Variants in ROCK1 observed in about 807,000 individuals in gnomAD.
ROCK1 encodes rho-associated protein kinase 1.
In ROCK1, 36 loss-of-function variants were observed where a neutral mutation model predicts 196.8. The observed-to-expected ratio is 0.18, with a 90% CI of 0.14 to 0.24. The LOEUF (loss-of-function observed/expected upper bound fraction) is 0.24. ROCK1 is among the 10% of genes least tolerant of loss of function. The pLI is 1.00. For missense variants in ROCK1, 920 were observed against 1,562.0 expected (o/e 0.59, Z 6.93); for synonymous variants, 443 against 515.9 (o/e 0.86, Z 1.91).
At chr18:20,990,551 G>A (rs781505682) in intron 18 of ROCK1, among the ~76,000 whole-genome samples, 38 of 151,126 alleles carry the variant, frequency 2.5e-4, no homozygotes, top group Middle Eastern at 6.8e-3. Flanking sequence ...AAAATTAGCC[G>A]GGCATGGTGT....
chr18:21,097,465 G>A (rs1357701628), intron 1 of ROCK1, among the ~76,000 whole-genome samples: 1 of 152,114 alleles, frequency 6.6e-6, no homozygotes, highest in African/African-American at 2.4e-5. Flanking sequence ...TGTAACCATG[G>A]CACCACCTAT....
chr18:20,981,265 G>A (rs1404573063), intron 21 of ROCK1, among the ~76,000 whole-genome samples: 1 of 151,970 alleles, frequency 6.6e-6, no homozygotes, highest in African/African-American at 2.4e-5. Flanking sequence ...ATGGTGGCGG[G>A]CGCCTGTAGT....
At chr18:21,019,178 G>A (rs531421049) in intron 12 of ROCK1, among the ~76,000 whole-genome samples, 5 of 152,078 alleles carry the variant, frequency 3.3e-5, no homozygotes, top group Non-Finnish European at 7.4e-5. Flanking sequence ...TTTTGAGACA[G>A]AGTCTTGCTC....
intron 14 of ROCK1, among the ~76,000 whole-genome samples, chr18:21,007,643 T>TA (rs2035779503): frequency 6.6e-6 from 1 of 152,154 alleles, no homozygotes; most frequent in Admixed American, 6.5e-5. Context: ...ACACAAGCAT[T>TA]AAAACACAAG....
intron 9 of ROCK1, among the ~76,000 whole-genome samples, chr18:21,035,724 A>C (rs1261621737): frequency 6.6e-6 from 1 of 152,256 alleles, no homozygotes; most frequent in Non-Finnish European, 1.5e-5. Flanking sequence ...ATGGATAAAC[A>C]AAATATAGTA....
chr18:20,963,223 A>G (rs1428478638), intron 27 of ROCK1, among the ~76,000 whole-genome samples: 1 of 152,108 alleles, frequency 6.6e-6, no homozygotes, highest in African/African-American at 2.4e-5. Context: ...TATTACTGCA[A>G]TATCAGCGAT....
chr18:21,075,495 T>G (rs943642876), intron 1 of ROCK1, among the ~76,000 whole-genome samples: 5 of 152,162 alleles, frequency 3.3e-5, no homozygotes, highest in Admixed American at 2.0e-4. Context: ...GGCAGCTGAA[T>G]ATAAGTTTGG....
intron 9 of ROCK1, among the ~76,000 whole-genome samples, chr18:21,035,275 G>A (rs1168403592): frequency 6.6e-6 from 1 of 152,236 alleles, no homozygotes; most frequent in East Asian, 1.9e-4. Flanking sequence ...GAGCGTGGTG[G>A]CTCACGTCTG....
intron 1 of ROCK1, among the ~76,000 whole-genome samples, chr18:21,083,485 GGTGCTC>G (rs1225250999): frequency 6.6e-6 from 1 of 152,104 alleles, no homozygotes; most frequent in African/African-American, 2.4e-5. Flanking sequence ...ACATACAGCT[GGTGCTC>G]AAACAACATA....
chr18:20,955,140 T>C, intron 30 of ROCK1, 27 bp downstream of exon 30: 3 of 1,528,932 alleles, frequency 2.0e-6, no homozygotes, highest in Non-Finnish European at 1.8e-6. Context: ...ACTTAGATTC[T>C]TTAAAATTAT....
intron 16 of ROCK1, among the ~76,000 whole-genome samples, chr18:20,993,672 C>T (rs2035646016): frequency 6.6e-6 from 1 of 152,148 alleles, no homozygotes; most frequent in African/African-American, 2.4e-5. Flanking sequence ...AATTCAAGTA[C>T]TCTAACAAAG....
chr18:21,060,180 G>A (rs1027396603), intron 2 of ROCK1, among the ~76,000 whole-genome samples: 13 of 152,138 alleles, frequency 8.5e-5, no homozygotes, highest in East Asian at 3.8e-4. Flanking sequence ...TACTTCAAAC[G>A]GGTGAATTTT....
At chr18:20,953,939 T>C (rs547945048) in intron 31 of ROCK1, among the ~76,000 whole-genome samples, 154 bp from the exon 32 acceptor site, 78 of 151,336 alleles carry the variant, frequency 5.2e-4, no homozygotes, top group African/African-American at 1.8e-3. Context: ...TTAAGTTAAA[T>C]AAGGCTGAAA....
intron 32 of ROCK1, among the ~76,000 whole-genome samples, chr18:20,952,110 C>A (rs2035193788): frequency 6.6e-6 from 1 of 152,150 alleles, no homozygotes; most frequent in Admixed American, 6.5e-5. Flanking sequence ...CTGCCTGGTG[C>A]GGTGGCTCAT....
chr18:21,010,578 C>G (rs369017386), intron 13 of ROCK1, among the ~76,000 whole-genome samples: 1 of 152,152 alleles, frequency 6.6e-6, no homozygotes, highest in Non-Finnish European at 1.5e-5. Context: ...ACATTTTGGT[C>G]AGGAAACTGT....
intron 13 of ROCK1, among the ~76,000 whole-genome samples, chr18:21,009,473 T>C (rs546088646): frequency 6.6e-6 from 1 of 152,298 alleles, no homozygotes; most frequent in East Asian, 1.9e-4. Flanking sequence ...ATTTTGATTG[T>C]TTTCAGTTTT....
chr18:21,071,926 T>A (rs1236924191), intron 1 of ROCK1, among the ~76,000 whole-genome samples: 1 of 152,208 alleles, frequency 6.6e-6, no homozygotes, highest in African/African-American at 2.4e-5. Context: ...TGAGTTAACA[T>A]GTGAAGTGTC....
intron 20 of ROCK1, among the ~76,000 whole-genome samples, chr18:20,983,796 A>C (rs1417759577): frequency 1.3e-5 from 2 of 152,220 alleles, no homozygotes; most frequent in Admixed American, 1.3e-4. Flanking sequence ...TGAAGCTAGC[A>C]AGTGATGATA....
intron 1 of ROCK1, among the ~76,000 whole-genome samples, chr18:21,080,215 G>A (rs1168034547): frequency 6.6e-6 from 1 of 152,000 alleles, no homozygotes; most frequent in Non-Finnish European, 1.5e-5. Context: ...ACAGTTAAAC[G>A]GCCAATTTTC....
Sources: allele counts gnomAD v4.1 joint callset (sites outside exome capture counted in the v4.1 genomes callset), GRCh38; gene constraint gnomAD v4.1.1; transcripts MANE v1.5; gene names NCBI Gene and HGNC (gene_info 2026-07-23, HGNC 2026-07-21).